Variants in MCTP1 observed in about 807,000 individuals in gnomAD.
The protein encoded by MCTP1 is multiple C2 and transmembrane domain-containing protein 1.
In MCTP1, 69 loss-of-function variants were observed where a neutral mutation model predicts 120.6. The ratio of observed to expected loss-of-function variants is 0.57; its 90% CI spans 0.47 to 0.70. MCTP1 has a LOEUF of 0.70. Among genes scored for constraint, MCTP1 ranks in the 30% least tolerant of loss-of-function variants. The probability of loss-of-function intolerance (pLI) is 0.00; values close to 1 mark genes in which losing one functional copy is unlikely to be tolerated. For synonymous variants in MCTP1, 529 were observed against 493.1 expected (o/e 1.07, Z -0.96); for missense variants, 1,203 against 1,248.8 (o/e 0.96, Z 0.55).
chr5:94,789,887 G>T (rs899405877), intron 18 of MCTP1, among the ~76,000 whole-genome samples: 2 of 152,068 alleles, frequency 1.3e-5, no homozygotes, highest in Admixed American at 1.3e-4. Flanking sequence ...ATAAAAATTA[G>T]ATAATTTTTA....
At chr5:94,794,814 G>A (rs1779674354) in intron 18 of MCTP1, among the ~76,000 whole-genome samples, 2 of 152,226 alleles carry the variant, frequency 1.3e-5, no homozygotes, top group African/African-American at 4.8e-5. Flanking sequence ...GACATGGGGT[G>A]AGTGGTGTGG....
intron 1 of MCTP1, among the ~76,000 whole-genome samples, chr5:95,080,893 T>G (rs1754774233): frequency 6.6e-6 from 1 of 152,234 alleles, no homozygotes; most frequent in Non-Finnish European, 1.5e-5. Flanking sequence ...AGTATGCTAG[T>G]CTTTCACTTA....
chr5:95,104,538 T>C (rs1756958293), intron 1 of MCTP1, among the ~76,000 whole-genome samples: 1 of 152,168 alleles, frequency 6.6e-6, no homozygotes, highest in African/African-American at 2.4e-5. Context: ...ACCTCTCCAA[T>C]CCATAGGCAT....
chr5:95,055,099 CT>C lies in MCTP1; in HGVS notation c.721-37616del, dbSNP rs758802954. On this transcript the variant is annotated intron_variant, in intron 1 of 22. Coordinates refer to ENST00000515393, the MANE Select transcript of MCTP1 (RefSeq NM_024717.7). ...TACACAAGCTGGAGCTATAATATTT[CT>C]TTCTTTTGGTGTATCTTAATGGGTA... Among the ~76,000 whole-genome samples the C allele has an allele frequency of 4.4e-3, 667 of 151,616 alleles. 16 individuals carry two copies. Among genetic ancestry groups the C allele is most frequent in the Non-Finnish European group, 1.2e-3 (82 of 68,018 alleles).
intron 17 of MCTP1, among the ~76,000 whole-genome samples, chr5:94,835,237 A>G (rs1444845565): frequency 6.6e-6 from 1 of 152,210 alleles, no homozygotes; most frequent in Non-Finnish European, 1.5e-5. Flanking sequence ...CTGATTCTCT[A>G]CTATGATGTT....
At chr5:94,818,911 G>A (rs153895) in intron 17 of MCTP1, among the ~76,000 whole-genome samples, 31,791 of 151,926 alleles carry the variant, frequency 0.21, 4,285 homozygotes, top group East Asian at 0.63. Flanking sequence ...ACCTACATGG[G>A]AGGAACTGAA....
intron 2 of MCTP1, among the ~76,000 whole-genome samples, chr5:95,005,146 T>G (rs1275693016): frequency 6.6e-6 from 1 of 152,220 alleles, no homozygotes; most frequent in Non-Finnish European, 1.5e-5. Context: ...ACTGCCCTGC[T>G]GGGTTTCAGA....
intron 12 of MCTP1, among the ~76,000 whole-genome samples, chr5:94,882,362 A>G (rs1278066494): frequency 6.6e-6 from 1 of 152,074 alleles, no homozygotes; most frequent in African/African-American, 2.4e-5. Context: ...AGGCTTGACT[A>G]TTTAGTCATT....
intron 1 of MCTP1, among the ~76,000 whole-genome samples, chr5:95,218,782 G>A (rs1048276581): frequency 6.6e-6 from 1 of 152,140 alleles, no homozygotes; most frequent in Non-Finnish European, 1.5e-5. Context: ...TAGGCTGGAT[G>A]GTATAGCCTG....
intron 17 of MCTP1, among the ~76,000 whole-genome samples, chr5:94,850,616 G>A (rs1442208327): frequency 1.3e-5 from 2 of 152,132 alleles, no homozygotes; most frequent in African/African-American, 4.8e-5. Context: ...TGGATTGACA[G>A]CTTTTGTTTT....
chr5:94,910,923 T>C (rs571250608), intron 9 of MCTP1, among the ~76,000 whole-genome samples: 4 of 152,330 alleles, frequency 2.6e-5, no homozygotes, highest in South Asian at 2.1e-4. Flanking sequence ...TATTTTGGGG[T>C]GTGGTCTGTC....
At chr5:94,818,916 A>G (rs1785030000) in intron 17 of MCTP1, among the ~76,000 whole-genome samples, 1 of 152,148 alleles carries the variant, frequency 6.6e-6, no homozygotes, top group South Asian at 2.1e-4. Flanking sequence ...CATGGGAGGA[A>G]CTGAATTTGA....
chr5:95,109,719 T>G (rs1757325226), intron 1 of MCTP1, among the ~76,000 whole-genome samples: 1 of 152,212 alleles, frequency 6.6e-6, no homozygotes, highest in Non-Finnish European at 1.5e-5. Flanking sequence ...ACACCTACCT[T>G]ATGTCTCTGA....
chr5:94,909,891 C>T (rs1807990912), intron 9 of MCTP1, among the ~76,000 whole-genome samples: 1 of 151,960 alleles, frequency 6.6e-6, no homozygotes, highest in Non-Finnish European at 1.5e-5. Context: ...ACGCAAGTAG[C>T]TTTTGGGTAG....
intron 1 of MCTP1, among the ~76,000 whole-genome samples, chr5:95,018,546 C>T (rs1011918168): frequency 1.3e-5 from 2 of 148,922 alleles, no homozygotes; most frequent in Non-Finnish European, 3.0e-5. Flanking sequence ...AATAGCTTTG[C>T]TGTTGGAGCA....
chr5:95,006,687 G>A (rs1834827408), intron 2 of MCTP1, among the ~76,000 whole-genome samples: 1 of 152,140 alleles, frequency 6.6e-6, no homozygotes, highest in Non-Finnish European at 1.5e-5. Context: ...GGAAGGGACT[G>A]CCAACAAAAC....
rs1753981782 is a variant in MCTP1 at position 94,703,936 on chromosome 5, A to G, written c.*3560T>C. On this transcript the variant is annotated 3_prime_UTR_variant, in exon 23 of 23. Coordinates refer to ENST00000515393, the MANE Select transcript of MCTP1 (RefSeq NM_024717.7). ...AATCTTATGTGACTGCCTCTATTCAAATTGCCACTATATAAAAGAAACTGA... is the reference window on the plus strand; with the variant it reads ...AATCTTATGTGACTGCCTCTATTCAGATTGCCACTATATAAAAGAAACTGA... 6.6e-6 allele frequency: 1 copy of G among 151,162 alleles called. No individual in the cohort carries two copies. 9.4% of individuals were successfully genotyped at this position (151,162 alleles called of 1,614,324 possible).
At chr5:95,001,661 TGA>T (rs1197232326) in intron 2 of MCTP1, among the ~76,000 whole-genome samples, 1 of 152,114 alleles carries the variant, frequency 6.6e-6, no homozygotes, top group Non-Finnish European at 1.5e-5. Context: ...ATTTTGAACT[TGA>T]GAGAGATGAT....
At chr5:95,059,241 A>G (rs1206186742) in intron 1 of MCTP1, among the ~76,000 whole-genome samples, 1 of 152,248 alleles carries the variant, frequency 6.6e-6, no homozygotes, top group East Asian at 1.9e-4. Flanking sequence ...TAAAACAGAA[A>G]GTAATCATGT....
Sources: allele counts gnomAD v4.1 joint callset (sites outside exome capture counted in the v4.1 genomes callset), GRCh38; gene constraint gnomAD v4.1.1; transcripts MANE v1.5; gene names NCBI Gene and HGNC (gene_info 2026-07-23, HGNC 2026-07-21).